HMCN1: variants seen among roughly 807,000 people sequenced by gnomAD.
HMCN1 encodes hemicentin-1.
In HMCN1, 321 loss-of-function variants were observed where a neutral mutation model predicts 625.9. That is an observed-to-expected ratio of 0.51 (90% confidence interval 0.47 to 0.56). The LOEUF (loss-of-function observed/expected upper bound fraction) is 0.56, where lower values mean the gene tolerates loss of function less well. Among genes scored for constraint, HMCN1 ranks in the 20% least tolerant of loss-of-function variants. The pLI is 0.00. For missense variants in HMCN1, 6,588 were observed against 6,887.3 expected (o/e 0.96, Z 1.54); for synonymous variants, 2,425 against 2,417.6 (o/e 1.00, Z -0.09).
chr1:185,937,581 G>A (rs1396299982), intron 11 of HMCN1, among the ~76,000 whole-genome samples: 3 of 152,098 alleles, frequency 2.0e-5, no homozygotes, highest in African/African-American at 7.2e-5. Flanking sequence ...AAGATAAAAG[G>A]ACAATAATAA....
At position 186,086,385 on chromosome 1, in the gene HMCN1, C is replaced by T. The variant is rs748393069; in HGVS notation, c.9024C>T (p.Asn3008=). 7 of 1,613,072 alleles carry T rather than the reference C, an allele frequency of 4.3e-6. No homozygotes were observed. The highest frequency in any genetic ancestry group is 2.2e-5 in the East Asian group (1 of 44,834). Residue 3008 remains asparagine, a synonymous_variant, in exon 58 of 107, where the codon AAC becomes AAT. Transcript: ENST00000271588. ...AGAATGAACAGCCCATCAAACTGAA[C>T]ACAAATACTCTCATTGTGCCTGGTA... is the stretch of plus-strand genomic sequence containing the variant. ...WLKNEQPIKL[N]TNTLIVPGGR... is the part of the protein sequence containing the mutation.
At chr1:185,801,253 T>G (rs1349289869) in intron 1 of HMCN1, among the ~76,000 whole-genome samples, 1 of 152,148 alleles carries the variant, frequency 6.6e-6, no homozygotes, top group Non-Finnish European at 1.5e-5. Flanking sequence ...CAGAAAGAAG[T>G]CGGTGGGCTA....
At chr1:185,996,365 A>C (rs1458374948) in intron 24 of HMCN1, among the ~76,000 whole-genome samples, 1 of 152,158 alleles carries the variant, frequency 6.6e-6, no homozygotes. Flanking sequence ...GGGATCAGTC[A>C]TCAATCAGTG....
intron 42 of HMCN1, among the ~76,000 whole-genome samples, chr1:186,052,452 G>T (rs1657019694): frequency 6.6e-6 from 1 of 152,058 alleles, no homozygotes. Flanking sequence ...GAAGCAGACT[G>T]TGCAATCTGA....
chr1:186,182,656 A>G (rs1333808008), intron 105 of HMCN1, among the ~76,000 whole-genome samples: 1 of 152,208 alleles, frequency 6.6e-6, no homozygotes, highest in Non-Finnish European at 1.5e-5. Flanking sequence ...AGTGTTAGAT[A>G]TTATTTTATA....
chr1:186,115,414 G>C lies in HMCN1; in HGVS notation c.11561G>C (p.Arg3854Thr). Residue 3854 changes from arginine (R) to threonine (T), a missense_variant and splice_region_variant, in exon 75 of 107, where the codon AGG (arginine) becomes ACG (threonine). Arg to Thr is a moderately conservative substitution (Grantham distance 71). This residue lies in a region of HMCN1 where 4,628 missense variants were observed against 4,853.1 expected (regional missense o/e 0.95). Transcript: ENST00000271588. Reference sequence around the variant, plus strand: ...GTGGATCAAAATCAGAACTCATACAGGTAAGGATAATTTAAAACTCCTACC... The same window carrying C: ...GTGGATCAAAATCAGAACTCATACACGTAAGGATAATTTAAAACTCCTACC... Reference protein sequence around the residue: ...LNVDQNQNSYRLLSSGSLVII... With the variant: ...LNVDQNQNSYTLLSSGSLVII... 1 of 1,612,094 alleles carries C rather than the reference G, an allele frequency of 6.2e-7. No individual in the cohort carries two copies. The highest frequency in any genetic ancestry group is 2.2e-5 in the East Asian group (1 of 44,838).
At chr1:185,983,209 G>A (rs1236494067) in intron 18 of HMCN1, among the ~76,000 whole-genome samples, 1 of 151,982 alleles carries the variant, frequency 6.6e-6, no homozygotes, top group Non-Finnish European at 1.5e-5. Context: ...AATGTTTACA[G>A]TTCTATGAAA....
At chr1:186,019,458 G>A (rs1471244893) in intron 34 of HMCN1, 83 bp from the exon 35 acceptor site, 5 of 928,768 alleles carry the variant, frequency 5.4e-6, no homozygotes, top group South Asian at 4.1e-5. Context: ...TAAATTTTAA[G>A]GTTTCAGGTT....
At chr1:185,982,438 T>TTTA in intron 18 of HMCN1, 49 bp downstream of exon 18, 1 of 1,559,040 alleles carries the variant, frequency 6.4e-7, no homozygotes, top group Non-Finnish European at 8.8e-7. Flanking sequence ...TGAGTTTTCT[T>TTTA]TTCTTTTTTT....
chr1:185,950,511 T>C (rs1668594059), intron 11 of HMCN1, among the ~76,000 whole-genome samples: 1 of 151,778 alleles, frequency 6.6e-6, no homozygotes, highest in African/African-American at 2.4e-5. Flanking sequence ...AAAGGAGTTG[T>C]TGTTTTGTAG....
chr1:186,178,015 A>T (rs992351313), intron 103 of HMCN1, among the ~76,000 whole-genome samples: 3 of 152,188 alleles, frequency 2.0e-5, no homozygotes, highest in African/African-American at 7.2e-5. Context: ...ATTACGTGTA[A>T]AAATGTATAC....
chr1:185,921,318 A>G (rs1666995875), intron 6 of HMCN1, among the ~76,000 whole-genome samples: 1 of 152,158 alleles, frequency 6.6e-6, no homozygotes, highest in African/African-American at 2.4e-5. Flanking sequence ...TCAATGAGGA[A>G]GAAACATGGT....
At chr1:185,766,295 G>C (rs996794989) in intron 1 of HMCN1, among the ~76,000 whole-genome samples, 2 of 152,072 alleles carry the variant, frequency 1.3e-5, no homozygotes, top group Non-Finnish European at 2.9e-5. Context: ...AGAAGAAAAT[G>C]AGAACTCAGA....
chr1:186,137,562 C>A lies in HMCN1; in HGVS notation c.13647C>A (p.Ile4549=). ...RACSVTCGKG[I]QKRSRLCNQP... is the part of the protein sequence containing the mutation. The stretch of plus-strand genomic sequence containing the variant: ...GCAGTGTCACCTGTGGAAAAGGCAT[C>A]CAAAAGAGGAGTCGTCTGTGCAACC... The change falls in exon 88 of 107, where the codon ATC becomes ATA. Residue 4549 remains isoleucine, a synonymous_variant. Transcript: ENST00000271588. The A allele has an allele frequency of 6.2e-7, 1 of 1,613,826 alleles. No individual in the cohort carries two copies. Among genetic ancestry groups the A allele is most frequent in the Non-Finnish European group, 8.5e-7 (1 of 1,179,938 alleles).
chr1:186,084,652 A>G lies in HMCN1; in HGVS notation c.8885-1594A>G, dbSNP rs137998059. Among the ~76,000 whole-genome samples, 424 of 152,108 alleles carry G rather than the reference A, an allele frequency of 2.8e-3. 3 individuals are homozygous for G. The highest frequency in any genetic ancestry group is 9.7e-3 in the African/African-American group (401 of 41,506). ...ATGGCCAGCTTAATTTTTGTGGAAC[A>G]GCATTTCAGTCACTTCTCTTAGCCC... On this transcript the variant is annotated intron_variant, in intron 57 of 106. Transcript: ENST00000271588.
chr1:186,078,145 G>C lies in HMCN1; in HGVS notation c.8524G>C (p.Asp2842His), dbSNP rs759985926. Reference protein sequence around the residue: ...VLQIPRAKVEDAGRYTCVAVN... With the variant: ...VLQIPRAKVEHAGRYTCVAVN... ...GCAGATTCCTCGGGCTAAAGTAGAA[G>C]ATGCTGGGAGATACACATGTGTGGC... The change falls in exon 55 of 107, where the codon GAT becomes CAT. Residue 2842 changes from aspartate (D) to histidine (H), a missense_variant. By Grantham distance (81) the Asp-to-His change is moderately conservative. Transcript: ENST00000271588. 3 of 1,613,718 alleles carry C rather than the reference G, an allele frequency of 1.9e-6. No homozygotes were observed. Among genetic ancestry groups the C allele is most frequent in the Non-Finnish European group, 2.5e-6 (3 of 1,179,878 alleles).
At chr1:186,017,123 T>G (rs756400698) in intron 33 of HMCN1, 52 bp downstream of exon 33, 4 of 908,968 alleles carry the variant, frequency 4.4e-6, no homozygotes, top group South Asian at 2.6e-5. Flanking sequence ...GTTTTGAGTG[T>G]TTTAGAGCTA....
chr1:186,151,799 G>A (rs1485878276), intron 95 of HMCN1, 56 bp downstream of exon 95: 70 of 1,551,498 alleles, frequency 4.5e-5, no homozygotes, highest in East Asian at 2.5e-4. Flanking sequence ...ATGAAGATAG[G>A]TGATTAAGAA....
rs10157742 is a variant in HMCN1, at chr1:186,117,446, G to A, written c.11684-13G>A. On this transcript the variant is annotated splice_polypyrimidine_tract_variant and intron_variant, in intron 76 of 106. Transcript: ENST00000271588. ...TGTAGTTTTTTCCCTTTTTGTTGTT[G>A]TTGTTGTTTTAGTTCCACCTTCCAT... is the stretch of plus-strand genomic sequence containing the variant. 0.53 allele frequency: 859,522 copies of A among 1,607,380 alleles called. 237,965 individuals carry two copies. Among genetic ancestry groups the A allele is most frequent in the African/African-American group, 0.91 (68,096 of 74,886 alleles).
Sources: allele counts gnomAD v4.1 joint callset (sites outside exome capture counted in the v4.1 genomes callset), GRCh38; gene constraint gnomAD v4.1.1; regional missense constraint gnomAD v4.1.1; transcripts MANE v1.5; gene names NCBI Gene and HGNC (gene_info 2026-07-23, HGNC 2026-07-21).